DGLUCY: variants seen among roughly 807,000 people sequenced by gnomAD.
DGLUCY encodes the protein D-glutamate cyclase, mitochondrial.
A neutral mutation model predicts 58.5 loss-of-function variants in DGLUCY; 58 were observed. The observed-to-expected ratio is 0.99, with a 90% CI of 0.80 to 1.23. The LOEUF (loss-of-function observed/expected upper bound fraction) is 1.23. Ranked by LOEUF, DGLUCY falls within the 50% of genes most tolerant of loss-of-function variation. DGLUCY has a pLI of 0.00. For missense variants in DGLUCY, 779 were observed against 784.7 expected (o/e 0.99, Z 0.09); for synonymous variants, 325 against 314.1 (o/e 1.03, Z -0.37).
chr14:91,150,427 A>T (rs963464267), intron 1 of DGLUCY, among the ~76,000 whole-genome samples: 4 of 151,994 alleles, frequency 2.6e-5, no homozygotes, highest in African/African-American at 9.7e-5. Flanking sequence ...AACAATTTGA[A>T]ACTAAACATT....
chr14:91,158,180 T>C (rs2047772163), intron 2 of DGLUCY, among the ~76,000 whole-genome samples: 1 of 152,188 alleles, frequency 6.6e-6, no homozygotes, highest in Admixed American at 6.5e-5. Context: ...GGCTGGTAGC[T>C]CAGTTGCTTG....
Position 91,204,749 on chromosome 14 carries a change from G to C in DGLUCY, c.1488G>C (p.Lys496Asn). 1.2e-6 allele frequency: 2 copies of C among 1,614,162 alleles called. No individual in the cohort carries two copies. The highest frequency in any genetic ancestry group is 2.2e-5 in the South Asian group (2 of 91,080). The stretch of plus-strand genomic sequence containing the variant: ...ACGAGCTTGGGATGGGTAAAGTCAA[G>C]GAGGCTGTGAGGAGGCACATACGGC... ...GGNELGMGKVKEAVRRHIRHG... is the reference protein window; with the variant it reads ...GGNELGMGKVNEAVRRHIRHG... Residue 496 changes from lysine (K) to asparagine (N), a missense_variant, in exon 12 of 14, where the codon AAG (lysine) becomes AAC (asparagine). Physicochemically the swap from Lys to Asn is moderately conservative, Grantham distance 94. Coordinates refer to ENST00000256324, the MANE Select transcript of DGLUCY (RefSeq NM_001102368.3).
intron 9 of DGLUCY, among the ~76,000 whole-genome samples, chr14:91,191,967 A>T (rs1423313905): frequency 6.6e-6 from 1 of 152,200 alleles, no homozygotes. Context: ...GCAGTGGCTC[A>T]AACAATTAAA....
At position 91,081,229 on chromosome 14, in the gene DGLUCY, T is replaced by C. The variant is rs537063050; in HGVS notation, c.-82+20525T>C. 2.0e-5 allele frequency among the ~76,000 whole-genome samples: 3 copies of C among 151,600 alleles called. No individual in the cohort carries two copies. The East Asian group carries it at 5.8e-4, about 29-fold the overall frequency. ...AAAAAAAAACAAAAAAAAAAGCATGTATTAAGAGAATAATAATGAGTAAGC... is the reference window on the plus strand; with the variant it reads ...AAAAAAAAACAAAAAAAAAAGCATGCATTAAGAGAATAATAATGAGTAAGC... On this transcript the variant is annotated intron_variant, in intron 1 of 4. Coordinates refer to the DGLUCY transcript ENST00000521334.
intron 1 of DGLUCY, among the ~76,000 whole-genome samples, chr14:91,149,919 A>T (rs1393513056): frequency 1.3e-5 from 2 of 152,100 alleles, no homozygotes; most frequent in Admixed American, 1.3e-4. Flanking sequence ...AAATTTTCAG[A>T]GTCATAAAGC....
intron 1 of DGLUCY, among the ~76,000 whole-genome samples, chr14:91,127,700 G>A (rs1239717247): frequency 6.6e-6 from 1 of 152,232 alleles, no homozygotes; most frequent in East Asian, 1.9e-4. Flanking sequence ...CTTTACCTGT[G>A]CTCCTAGCCT....
intron 12 of DGLUCY, 30 bp from the exon 13 acceptor site, chr14:91,215,375 C>G (rs1307214390): frequency 1.3e-6 from 2 of 1,579,302 alleles, no homozygotes; most frequent in Admixed American, 1.7e-5. Flanking sequence ...TTTTCCAACT[C>G]CATGATGGAA....
intron 1 of DGLUCY, among the ~76,000 whole-genome samples, chr14:91,066,276 G>A (rs1170575705): frequency 6.6e-6 from 1 of 151,738 alleles, no homozygotes; most frequent in East Asian, 1.9e-4. Context: ...CACCAGGGAG[G>A]CTGAGGCAGG....
chr14:91,167,271 A>C lies in DGLUCY; in HGVS notation c.150A>C (p.Pro50=). Residue 50 remains proline (P), a synonymous_variant, in exon 4 of 14, where the codon CCA becomes CCC. Transcript: ENST00000256324. ...SLVVLPRSLA[P]AFERFCQVNT... ...TGGTCCTGCCCAGGTCCCTTGCTCC[A>C]GCTTTTGAAAGATTCTGCCAGGTCA... is the stretch of plus-strand genomic sequence containing the variant. 1 of 1,612,186 alleles carries C rather than the reference A, an allele frequency of 6.2e-7. No individual in the cohort carries two copies. The highest frequency in any genetic ancestry group is 2.2e-5 in the East Asian group (1 of 44,884).
intron 6 of DGLUCY, among the ~76,000 whole-genome samples, chr14:91,174,345 G>A (rs1204752317): frequency 1.3e-5 from 2 of 151,914 alleles, no homozygotes; most frequent in Non-Finnish European, 2.9e-5. Flanking sequence ...TCCCTCTGTC[G>A]CCCAGGCTGG....
upstream of DGLUCY, among the ~76,000 whole-genome samples, chr14:91,106,490 T>G (rs1245499233): frequency 1.3e-5 from 2 of 151,994 alleles, no homozygotes; most frequent in Non-Finnish European, 2.9e-5. Flanking sequence ...GCAGATCATC[T>G]GAGGTCAGAA....
chr14:91,065,149 G>A (rs2043799910), intron 1 of DGLUCY, among the ~76,000 whole-genome samples: 1 of 152,140 alleles, frequency 6.6e-6, no homozygotes, highest in South Asian at 2.1e-4. Flanking sequence ...GCATGGGTTA[G>A]GGATCTGAGG....
chr14:91,216,934 G>T (rs755923674), intron 13 of DGLUCY, among the ~76,000 whole-genome samples: 8 of 152,224 alleles, frequency 5.3e-5, no homozygotes, highest in Admixed American at 5.2e-4. Context: ...CAGCACCCAA[G>T]CCTGAGCAGC....
At chr14:91,160,242 G>C in intron 2 of DGLUCY, 24 bp from the exon 3 acceptor site, 15 of 1,435,678 alleles carry the variant, frequency 1.0e-5, no homozygotes, top group Middle Eastern at 1.8e-4. Flanking sequence ...TTTCTAATTT[G>C]TTCCCTTTCC....
At chr14:91,061,374 C>G (rs150650477) in intron 1 of DGLUCY, among the ~76,000 whole-genome samples, 2 of 152,208 alleles carry the variant, frequency 1.3e-5, no homozygotes, top group Non-Finnish European at 2.9e-5. Context: ...AAGACTCTTA[C>G]TAGGCGCCGA....
intron 1 of DGLUCY, among the ~76,000 whole-genome samples, chr14:91,118,607 A>G (rs1595675615): frequency 6.6e-6 from 1 of 152,148 alleles, no homozygotes; most frequent in African/African-American, 2.4e-5. Context: ...AGTCTCTTTT[A>G]TCTGTCTTAA....
chr14:91,068,817 A>C (rs2043869805), intron 1 of DGLUCY, among the ~76,000 whole-genome samples: 1 of 152,248 alleles, frequency 6.6e-6, no homozygotes, highest in Non-Finnish European at 1.5e-5. Context: ...CAGAACCTCA[A>C]ACCACAAACC....
chr14:91,065,234 A>G (rs1474430751), intron 1 of DGLUCY, among the ~76,000 whole-genome samples: 2 of 152,214 alleles, frequency 1.3e-5, no homozygotes, highest in African/African-American at 4.8e-5. Context: ...GCTGATTAGC[A>G]CAGGGCTCCA....
At chr14:91,191,183 A>G (rs1277449863) in intron 9 of DGLUCY, among the ~76,000 whole-genome samples, 2 of 152,194 alleles carry the variant, frequency 1.3e-5, no homozygotes, top group African/African-American at 4.8e-5. Flanking sequence ...CCTCGAGGAC[A>G]TCTTGAGAAG....
Sources: gnomAD v4.1 joint callset for allele counts (sites outside exome capture counted in the v4.1 genomes callset) on GRCh38, gnomAD v4.1.1 for gene constraint, MANE v1.5 for transcripts, NCBI Gene and HGNC (gene_info 2026-07-23, HGNC 2026-07-21) for gene names.